The following TTLL5 variants were observed in gnomAD, a reference collection of about 807,000 sequenced individuals.
TTLL5 encodes the protein tubulin tyrosine ligase like 5.
In TTLL5, 132 loss-of-function variants were observed where a neutral mutation model predicts 168.4. That is an observed-to-expected ratio of 0.78 (90% CI 0.68 to 0.91). TTLL5 has a LOEUF of 0.91. TTLL5 is among the 40% of genes least tolerant of loss of function. TTLL5 has a pLI of 0.00. For missense variants in TTLL5, 1,545 were observed against 1,581.5 expected (o/e 0.98, Z 0.39); for synonymous variants, 546 against 558.6 (o/e 0.98, Z 0.32).
At chr14:75,674,549 T>G (rs1883994567) in intron 3 of TTLL5, among the ~76,000 whole-genome samples, 1 of 152,236 alleles carries the variant, frequency 6.6e-6, no homozygotes, top group South Asian at 2.1e-4. Flanking sequence ...TCGTGTTTTA[T>G]TTGTGAAATA....
At chr14:75,802,339 C>T (rs912554854) in intron 27 of TTLL5, among the ~76,000 whole-genome samples, 1 of 152,036 alleles carries the variant, frequency 6.6e-6, no homozygotes, top group Non-Finnish European at 1.5e-5. Flanking sequence ...GAACATTGCT[C>T]TCATTATATT....
intron 28 of TTLL5, among the ~76,000 whole-genome samples, chr14:75,840,479 C>T (rs1249302526): frequency 6.6e-6 from 1 of 150,722 alleles, no homozygotes; most frequent in East Asian, 2.0e-4. Flanking sequence ...GGAGTGAGAA[C>T]ATGCGGTGTT....
At chr14:75,847,169 T>C (rs1896593585) in intron 28 of TTLL5, among the ~76,000 whole-genome samples, 1 of 151,968 alleles carries the variant, frequency 6.6e-6, no homozygotes, top group Non-Finnish European at 1.5e-5. Flanking sequence ...ACCTGGCTAA[T>C]TTTTGTGTTT....
At chr14:75,706,103 C>T (rs1229726218) in intron 7 of TTLL5, among the ~76,000 whole-genome samples, 4 of 152,128 alleles carry the variant, frequency 2.6e-5, no homozygotes, top group Non-Finnish European at 5.9e-5. Flanking sequence ...TGCCATCTTC[C>T]GATGATGGGC....
chr14:75,686,445 C>T (rs1885060438), intron 5 of TTLL5, among the ~76,000 whole-genome samples: 1 of 152,118 alleles, frequency 6.6e-6, no homozygotes, highest in African/African-American at 2.4e-5. Context: ...TCTTGGGTCC[C>T]ATCTGGAAGG....
At chr14:75,902,332 A>G in intron 31 of TTLL5, 108 bp downstream of exon 31, 2 of 1,124,274 alleles carry the variant, frequency 1.8e-6, no homozygotes, top group Non-Finnish European at 2.6e-6. Flanking sequence ...AAAGAATGAA[A>G]CATCTAGCCT....
At chr14:75,852,639 C>T (rs1896921858) in intron 28 of TTLL5, among the ~76,000 whole-genome samples, 1 of 152,120 alleles carries the variant, frequency 6.6e-6, no homozygotes, top group South Asian at 2.1e-4. Flanking sequence ...ATACTCTTAT[C>T]TCAAGGTGTA....
intron 29 of TTLL5, among the ~76,000 whole-genome samples, chr14:75,872,780 G>A (rs536161843): frequency 4.3e-4 from 65 of 151,788 alleles, no homozygotes; most frequent in African/African-American, 1.5e-3. Context: ...GCGTGGTTGC[G>A]CATGCCTGTA....
At position 75,681,592 on chromosome 14, in the gene TTLL5, G is replaced by A. The variant is rs1459217713; in HGVS notation, c.229G>A (p.Val77Ile). The A allele has an allele frequency of 6.2e-7, 1 of 1,613,364 alleles. No homozygotes were observed. Among genetic ancestry groups the A allele is most frequent in the Non-Finnish European group, 8.5e-7 (1 of 1,179,946 alleles). Reference sequence around the variant, plus strand: ...GATTGTACGAACGGACAGTCGCCTAGTACGCAGCATTCTGACAGCCCATGG... The same window carrying A: ...GATTGTACGAACGGACAGTCGCCTAATACGCAGCATTCTGACAGCCCATGG... ...YKIVRTDSRL[V>I]RSILTAHGFH... The change falls in exon 4 of 32, where the codon GTA becomes ATA. Residue 77 changes from valine (V) to isoleucine (I), a missense_variant. Coordinates refer to ENST00000298832, the MANE Select transcript of TTLL5 (RefSeq NM_015072.5).
intron 27 of TTLL5, among the ~76,000 whole-genome samples, chr14:75,801,897 C>T (rs1893345638): frequency 6.6e-6 from 1 of 152,098 alleles, no homozygotes; most frequent in Admixed American, 6.5e-5. Flanking sequence ...GGTAGATTTC[C>T]AGTCAGAAAG....
chr14:75,881,867 AGAACTTT>A (rs937197938), intron 29 of TTLL5, among the ~76,000 whole-genome samples: 14 of 152,362 alleles, frequency 9.2e-5, no homozygotes, highest in Non-Finnish European at 1.8e-4. Flanking sequence ...ATAAGTTGTA[AGAACTTT>A]TTAAGCATCT....
chr14:75,933,900 G>A (rs1224373049), intron 31 of TTLL5, among the ~76,000 whole-genome samples: 1 of 152,204 alleles, frequency 6.6e-6, no homozygotes, highest in Non-Finnish European at 1.5e-5. Flanking sequence ...GACCATGCAA[G>A]GACACAGCAA....
intron 27 of TTLL5, among the ~76,000 whole-genome samples, chr14:75,812,899 A>G (rs755360948): frequency 1.1e-4 from 17 of 152,120 alleles, no homozygotes; most frequent in Non-Finnish European, 2.5e-4. Context: ...CTGGGCCAAG[A>G]TTCTGCATTT....
At chr14:75,787,463 C>G (rs928267000) in intron 26 of TTLL5, among the ~76,000 whole-genome samples, 6 of 152,152 alleles carry the variant, frequency 3.9e-5, no homozygotes, top group African/African-American at 1.4e-4. Flanking sequence ...TTAAACAATT[C>G]TAAAAGTGTC....
chr14:75,857,136 G>A (rs377531167), intron 28 of TTLL5, among the ~76,000 whole-genome samples: 70 of 152,192 alleles, frequency 4.6e-4, no homozygotes, highest in African/African-American at 1.6e-3. Context: ...AAACTGGCTA[G>A]GTCATCCTTT....
At chr14:75,892,740 T>G (rs1016063785) in intron 30 of TTLL5, among the ~76,000 whole-genome samples, 19 of 150,508 alleles carry the variant, frequency 1.3e-4, no homozygotes, top group African/African-American at 4.8e-4. Context: ...ATGAACCGAC[T>G]AACTGAGTCT....
intron 31 of TTLL5, among the ~76,000 whole-genome samples, chr14:75,937,725 A>G (rs1016326274): frequency 4.6e-5 from 7 of 152,204 alleles, no homozygotes; most frequent in African/African-American, 1.4e-4. Context: ...TCATAATTTA[A>G]TGTATGTATA....
chr14:75,752,716 T>C (rs889605084), intron 17 of TTLL5, among the ~76,000 whole-genome samples, 177 bp from the exon 18 acceptor site: 4 of 152,228 alleles, frequency 2.6e-5, no homozygotes, highest in Non-Finnish European at 5.9e-5. Context: ...TATTCTAGTA[T>C]CTTACGATTT....
intron 28 of TTLL5, among the ~76,000 whole-genome samples, chr14:75,859,947 A>G (rs1897319493): frequency 6.6e-6 from 1 of 152,182 alleles, no homozygotes; most frequent in Admixed American, 6.5e-5. Flanking sequence ...TTCTCGTGGC[A>G]CTTATTACAT....
Sources: gnomAD v4.1 joint callset for allele counts (sites outside exome capture counted in the v4.1 genomes callset) on GRCh38, gnomAD v4.1.1 for gene constraint, MANE v1.5 for transcripts, NCBI Gene and HGNC (gene_info 2026-07-23, HGNC 2026-07-21) for gene names.